Variants in CPLANE1 observed in about 807,000 individuals in gnomAD.
CPLANE1 encodes ciliogenesis and planar polarity effector 1.
Under a neutral mutation model 362.5 loss-of-function variants are expected in CPLANE1, and 263 were observed. The ratio of observed to expected loss-of-function variants is 0.73; its 90% CI spans 0.66 to 0.80. CPLANE1 has a LOEUF of 0.80. Ranked by LOEUF, CPLANE1 falls within the 30% of genes least tolerant of loss-of-function variation. The probability of loss-of-function intolerance (pLI) is 0.00; values close to 1 mark genes in which losing one functional copy is unlikely to be tolerated. For synonymous variants in CPLANE1, 1,212 were observed against 1,302.6 expected, an observed-to-expected ratio of 0.93 and a Z score of 1.50; for missense variants, 3,461 against 3,793.4, an observed-to-expected ratio of 0.91 and a Z score of 2.30.
chr5:37,076,581 G>A, the CPLANE1 span, among the ~76,000 whole-genome samples: 1 of 151,900 alleles, frequency 6.6e-6, no homozygotes, highest in Non-Finnish European at 1.5e-5. Flanking sequence ...CAAAGTGCTG[G>A]AATTACAGGC....
chr5:37,150,370 T>A (rs1246297398), intron 42 of CPLANE1, among the ~76,000 whole-genome samples: 1 of 152,118 alleles, frequency 6.6e-6, no homozygotes, highest in Non-Finnish European at 1.5e-5. Context: ...TGATTTGAAC[T>A]TCCCCCTAAC....
the CPLANE1 span, among the ~76,000 whole-genome samples, chr5:37,084,799 A>G: frequency 3.9e-5 from 6 of 151,964 alleles, no homozygotes. Flanking sequence ...TTTTTAAAAA[A>G]AAAAAGATAC....
chr5:37,088,365 A>G, the CPLANE1 span, among the ~76,000 whole-genome samples: 2 of 152,210 alleles, frequency 1.3e-5, no homozygotes, highest in African/African-American at 4.8e-5. Flanking sequence ...TGAGACAAAC[A>G]AAGCCAAAAT....
intron 31 of CPLANE1, among the ~76,000 whole-genome samples, chr5:37,175,514 T>G (rs1368901569): frequency 6.6e-6 from 1 of 152,214 alleles, no homozygotes; most frequent in East Asian, 1.9e-4. Flanking sequence ...TCGGCAAGAT[T>G]TCTAAACACT....
chr5:37,166,115 G>A (rs1449202073), intron 35 of CPLANE1, among the ~76,000 whole-genome samples: 1 of 152,088 alleles, frequency 6.6e-6, no homozygotes, highest in Non-Finnish European at 1.5e-5. Flanking sequence ...GGGAATAGAT[G>A]GAAACAGAAA....
chr5:37,133,358 T>C (rs1197420123), intron 46 of CPLANE1, among the ~76,000 whole-genome samples: 1 of 152,180 alleles, frequency 6.6e-6, no homozygotes, highest in Non-Finnish European at 1.5e-5. Flanking sequence ...TATAGATTGC[T>C]TTGGGCAGTA....
At chr5:37,130,189 A>G (rs1765367793) in intron 46 of CPLANE1, among the ~76,000 whole-genome samples, 1 of 152,204 alleles carries the variant, frequency 6.6e-6, no homozygotes. Context: ...AGCTATGAGG[A>G]GGCAAAGGCA....
chr5:37,165,735 C>G, intron 35 of CPLANE1, 64 bp from the exon 36 acceptor site: 1 of 1,466,622 alleles, frequency 6.8e-7, no homozygotes, highest in African/African-American at 1.4e-5. Context: ...TTTCATTTAT[C>G]ATGCTATATA....
chr5:37,238,488 T>A (rs1183244520), intron 8 of CPLANE1, among the ~76,000 whole-genome samples: 2 of 86,096 alleles, frequency 2.3e-5, no homozygotes, highest in South Asian at 7.5e-4. Context: ...CAGCCTTTTC[T>A]TTTTTTTTTT....
intron 15 of CPLANE1, among the ~76,000 whole-genome samples, chr5:37,218,866 T>G (rs572070431): frequency 6.6e-6 from 1 of 151,200 alleles, no homozygotes; most frequent in African/African-American, 2.4e-5. Flanking sequence ...GAAAACTGCT[T>G]GAAACTGGGA....
Position 37,227,624 on chromosome 5 carries a change from G to C in CPLANE1, c.1315C>G (p.Leu439Val). The change falls in exon 10 of 53, where the codon CTA becomes GTA. Residue 439 changes from leucine to valine, a missense_variant. Transcript: ENST00000651892. ...LSPSVHMRSL[L>V]LDSTQRLEKI... is the part of the protein sequence containing the mutation. ...TCAAGCCTCTGGGTTGAATCAAGTA[G>C]AAGTGATCTCATGTGTACTGATGGA... is the stretch of plus-strand genomic sequence containing the variant. 2 of 1,551,392 alleles carry C rather than the reference G, an allele frequency of 1.3e-6. No homozygotes were observed. The highest frequency in any genetic ancestry group is 2.4e-5 in the South Asian group (2 of 84,044).
chr5:37,227,112 T>G lies in CPLANE1; in HGVS notation c.1522-39A>C. The G allele has an allele frequency of 2.0e-6, 3 of 1,513,766 alleles. No homozygotes were observed. The South Asian group carries it at 3.9e-5, about 20-fold the overall frequency. The allele number at this position is 1,513,766 out of a possible 1,614,324, so 93.8% of individuals were successfully genotyped here. A position where few individuals can be genotyped will look rare whatever the true frequency, so the allele number is the denominator to read the frequency against. ...GGAAAAAAATGATACTTAATACCAT[T>G]TAATACCTTATCAATAGCATCACTT... On this transcript the variant is annotated intron_variant, in intron 11 of 52. Transcript: ENST00000651892.
intron 7 of CPLANE1, 144 bp from the exon 8 acceptor site, chr5:37,239,104 CT>C (rs1581008370): frequency 4.6e-6 from 2 of 431,114 alleles, no homozygotes; most frequent in East Asian, 7.1e-5. Context: ...ATATTGACCC[CT>C]GGTAGCCTTT....
chr5:37,171,969 G>A (rs1779933227), intron 32 of CPLANE1, among the ~76,000 whole-genome samples: 1 of 151,546 alleles, frequency 6.6e-6, no homozygotes, highest in African/African-American at 2.4e-5. Flanking sequence ...TGCTTTTTGA[G>A]TTTTTGTTTG....
chr5:37,199,061 C>CA, intron 19 of CPLANE1, among the ~76,000 whole-genome samples, 195 bp from the exon 20 acceptor site: 1 of 135,304 alleles, frequency 7.4e-6, no homozygotes, highest in South Asian at 2.4e-4. Flanking sequence ...TGCATCACTG[C>CA]ACTCAAGCCT....
the CPLANE1 span, among the ~76,000 whole-genome samples, chr5:37,092,129 G>A: frequency 3.9e-5 from 6 of 152,024 alleles, no homozygotes; most frequent in South Asian, 1.0e-3. Flanking sequence ...CCTTTCTTTC[G>A]CCCTGTCACC....
At chr5:37,111,265 C>T (rs1209535705) in intron 51 of CPLANE1, among the ~76,000 whole-genome samples, 2 of 151,556 alleles carry the variant, frequency 1.3e-5, no homozygotes, top group South Asian at 2.1e-4. Context: ...GGACTACAGG[C>T]GCCCACCACC....
At chr5:37,206,862 CAT>C (rs1790912568) in intron 16 of CPLANE1, among the ~76,000 whole-genome samples, 2 of 151,514 alleles carry the variant, frequency 1.3e-5, no homozygotes, top group East Asian at 1.9e-4. Flanking sequence ...CTCAGAAATA[CAT>C]GTTTATTTCT....
intron 8 of CPLANE1, among the ~76,000 whole-genome samples, chr5:37,234,911 A>G (rs1157801990): frequency 2.6e-5 from 4 of 152,212 alleles, no homozygotes; most frequent in African/African-American, 7.2e-5. Flanking sequence ...GGTATCAACT[A>G]TAATGTTTAG....
Sources: gnomAD v4.1 joint callset for allele counts (sites outside exome capture counted in the v4.1 genomes callset) on GRCh38, gnomAD v4.1.1 for gene constraint, MANE v1.5 for transcripts, NCBI Gene and HGNC (gene_info 2026-07-23, HGNC 2026-07-21) for gene names.